PLEC: variants seen among roughly 807,000 people sequenced by gnomAD.
PLEC encodes hemidesmosomal protein 1.
A neutral mutation model predicts 392.8 loss-of-function variants in PLEC; 216 were observed. The ratio of observed to expected loss-of-function variants is 0.55; its 90% CI spans 0.49 to 0.62. The LOEUF (loss-of-function observed/expected upper bound fraction) is 0.62. Among genes scored for constraint, PLEC ranks in the 20% least tolerant of loss-of-function variants. PLEC has a pLI of 0.00. For synonymous variants in PLEC, 3,621 were observed against 2,980.6 expected (o/e 1.21, Z -7.00); for missense variants, 6,863 against 6,563.4 (o/e 1.05, Z -1.58).
At position 143,916,037 on chromosome 8, in the gene PLEC, TTAATA is replaced by T. The variant is rs1385369572; in HGVS notation, c.*135_*139del. The T allele has an allele frequency of 1.4e-5, 8 of 587,614 alleles. No homozygotes were observed. The highest frequency in any genetic ancestry group is 2.2e-5 in the South Asian group (1 of 45,602). 36.4% of individuals were successfully genotyped at this position (587,614 alleles called of 1,614,324 possible). On this transcript the variant is annotated 3_prime_UTR_variant, in exon 32 of 32. Transcript: ENST00000345136. ...AGGCTGTCTGGACAGCAGATATATATTAATATATTAGTCTGGTCTTTTTGGTTAAA... is the reference window on the plus strand; with the variant it reads ...AGGCTGTCTGGACAGCAGATATATATTATTAGTCTGGTCTTTTTGGTTAAA...
At chr8:143,944,014 G>A, upstream of PLEC, 4 of 1,461,920 alleles carry the variant, frequency 2.7e-6, no homozygotes, top group Non-Finnish European at 3.7e-6. Flanking sequence ...AGCCTGCCCT[G>A]CCCGCAGGAC....
rs1271519533 is a variant in PLEC, at chr8:143,918,902, T to C, written c.10919A>G (p.Tyr3640Cys). The part of the protein sequence containing the change: ...EIIRQQGLAS[Y>C]DYVRRRLTAE... ...CGTGAGGCGGCGGCGCACGTAGTCGTAGGAGGCCAGACCCTGCTGGCGGAT... is the reference window on the plus strand; with the variant it reads ...CGTGAGGCGGCGGCGCACGTAGTCGCAGGAGGCCAGACCCTGCTGGCGGAT... The change falls in exon 32 of 32, where the codon TAC becomes TGC. Residue 3640 changes from tyrosine (Y) to cysteine (C), a missense_variant. Physicochemically the swap from Tyr to Cys is radical, Grantham distance 194. Coordinates refer to ENST00000345136, the MANE Select transcript of PLEC (RefSeq NM_201384.3). 24 of 1,611,522 alleles carry C rather than the reference T, an allele frequency of 1.5e-5. No homozygotes were observed. The Admixed American group carries it at 2.3e-4, about 16-fold the overall frequency.
rs782001764 is a variant in PLEC, at chr8:143,927,288, G to C, written c.3804C>G (p.Cys1268Trp). The C allele has an allele frequency of 6.2e-7, 1 of 1,613,316 alleles. No homozygotes were observed. Among genetic ancestry groups the C allele is most frequent in the East Asian group, 2.2e-5 (1 of 44,876 alleles). Reference protein sequence around the residue: ...IERHGEKVEECQRFAKQYINA... With the variant: ...IERHGEKVEEWQRFAKQYINA... Reference sequence around the variant, plus strand: ...TGATGTACTGTTTCGCAAACCTCTGGCACTCCTCGACCTTCTCGCCGTGGC... The same window carrying C: ...TGATGTACTGTTTCGCAAACCTCTGCCACTCCTCGACCTTCTCGCCGTGGC... The change falls in exon 28 of 32, where the codon TGC becomes TGG. Residue 1268 changes from cysteine to tryptophan, a missense_variant. Physicochemically the swap from Cys to Trp is radical, Grantham distance 215. Transcript: ENST00000345136.
chr8:143,949,554 A>G (rs1283218574), intron 1 of PLEC, among the ~76,000 whole-genome samples: 5 of 152,110 alleles, frequency 3.3e-5, no homozygotes, highest in African/African-American at 1.2e-4. Flanking sequence ...TCTAGGCCCC[A>G]GGCTGGGCCA....
Position 143,920,669 on chromosome 8 carries a change from G to C in PLEC, c.9152C>G (p.Ser3051Cys). The C allele has an allele frequency of 6.2e-7, 1 of 1,603,594 alleles. No homozygotes were observed. Among genetic ancestry groups the C allele is most frequent in the Non-Finnish European group, 8.5e-7 (1 of 1,179,884 alleles). The change falls in exon 32 of 32, where the codon TCC becomes TGC. Residue 3051 changes from serine to cysteine, a missense_variant. Coordinates refer to ENST00000345136, the MANE Select transcript of PLEC (RefSeq NM_201384.3). ...TTCCAACAGGGCCACGGCCATGTCGGATGGCAGCAGGTCTTTCTTCAGGGC... is the reference window on the plus strand; with the variant it reads ...TTCCAACAGGGCCACGGCCATGTCGCATGGCAGCAGGTCTTTCTTCAGGGC... ...YNALKKDLLP[S>C]DMAVALLEAQ...
rs1554721575 is a variant in PLEC at position 143,934,920 on chromosome 8, G to A, written c.835C>T (p.Leu279=). The stretch of plus-strand genomic sequence containing the variant: ...AGCTCCCGGTACTCCTGCCAGCGCA[G>A]CTGCAGCTCCTGCGGGCAGGCACGG... The part of the protein sequence containing the change: ...QDGVRANELQ[L]RWQEYRELVL... The change falls in exon 9 of 32, where the codon CTG becomes TTG. Residue 279 remains leucine (L), a synonymous_variant. Coordinates refer to ENST00000345136, the MANE Select transcript of PLEC (RefSeq NM_201384.3). 1 of 1,611,306 alleles carries A rather than the reference G, an allele frequency of 6.2e-7. No individual in the cohort carries two copies. The highest frequency in any genetic ancestry group is 1.7e-5 in the Admixed American group (1 of 60,004).
rs1263024846 is a variant in PLEC at position 143,933,873 on chromosome 8, CGCCCCTGCCCCT to C, written c.1263+113_1263+124del. On this transcript the variant is annotated intron_variant, in intron 12 of 31. Coordinates refer to ENST00000345136, the MANE Select transcript of PLEC (RefSeq NM_201384.3). ...GGCCTGGATTCCCCACCACATGCCC[CGCCCCTGCCCCT>C]GCCCCTGCCCCAGGAGCCCAGGGGG... 13 of 783,642 alleles carry C rather than the reference CGCCCCTGCCCCT, an allele frequency of 1.7e-5. No individual in the cohort carries two copies. In the African/African-American group the frequency reaches 1.9e-4, roughly 11 times the overall value. The allele number at this position is 783,642 out of a possible 1,614,324, so 48.5% of individuals were successfully genotyped here.
At position 143,921,019 on chromosome 8, in the gene PLEC, C is replaced by G; in HGVS notation, c.8802G>C (p.Thr2934=). 3 of 1,613,194 alleles carry G rather than the reference C, an allele frequency of 1.9e-6. No individual in the cohort carries two copies. Among genetic ancestry groups the G allele is most frequent in the Non-Finnish European group, 2.5e-6 (3 of 1,180,028 alleles). ...GCAGCAGGTCCCGCCGCTGCTCTGC[C>G]GTGAAGTATTCCGAGTTGATGATCT... ...IWEIINSEYF[T]AEQRRDLLRQ... is the part of the protein sequence containing the mutation. The change falls in exon 32 of 32, where the codon ACG becomes ACC. Residue 2934 remains threonine (T), a synonymous_variant. Coordinates refer to ENST00000345136, the MANE Select transcript of PLEC (RefSeq NM_201384.3).
rs1258752223 is a variant in PLEC, at chr8:143,921,167, G to T, written c.8654C>A (p.Thr2885Lys). ...PETGLCLLPL[T>K]DKAAKGGELV... ...CTCCCCGCCCTTGGCAGCCTTATCC[G>T]TGAGTGGCAGAAGGCACAGGCCCGT... The change falls in exon 32 of 32, where the codon ACG (threonine) becomes AAG (lysine). Residue 2885 changes from threonine to lysine, a missense_variant. Coordinates refer to ENST00000345136, the MANE Select transcript of PLEC (RefSeq NM_201384.3). The T allele has an allele frequency of 6.2e-7, 1 of 1,613,708 alleles. No individual in the cohort carries two copies. The highest frequency in any genetic ancestry group is 8.5e-7 in the Non-Finnish European group (1 of 1,180,052).
At chr8:143,927,382 C>A (rs1320175488) in intron 27 of PLEC, 28 bp downstream of exon 27, 3 of 1,608,944 alleles carry the variant, frequency 1.9e-6, no homozygotes, top group East Asian at 2.2e-5. Context: ...CACGCCCAGC[C>A]GCCCCGTCCC....
chr8:143,927,975 A>G lies in PLEC; in HGVS notation c.3278T>C (p.Leu1093Pro). The G allele has an allele frequency of 6.3e-7, 1 of 1,599,722 alleles. No homozygotes were observed. The highest frequency in any genetic ancestry group is 2.3e-5 in the East Asian group (1 of 44,430). Residue 1093 changes from leucine to proline, a missense_variant, in exon 26 of 32, where the codon CTG becomes CCG. Leu to Pro is a moderately conservative substitution (Grantham distance 98). Coordinates refer to ENST00000345136, the MANE Select transcript of PLEC (RefSeq NM_201384.3). Reference protein sequence around the residue: ...IYLEKLKTISLVIRGTQGAEE... With the variant: ...IYLEKLKTISPVIRGTQGAEE... ...GGCCCCCTGCGTGCCGCGGATCACC[A>G]GGCTGATGGTCTTGAGCCTGGCGGG... is the stretch of plus-strand genomic sequence containing the variant.
exon 1 of PLEC, chr8:143,950,221 G>A (rs1554734931): frequency 1.9e-6 from 3 of 1,552,430 alleles, no homozygotes; most frequent in South Asian, 1.2e-5. Flanking sequence ...GCCTGGCCAG[G>A]GTCCGCTGGG....
At position 143,972,200 on chromosome 8, in the gene PLEC, C is replaced by T. The variant is rs1044015144; in HGVS notation, c.70+1203G>A. 3.3e-5 allele frequency among the ~76,000 whole-genome samples: 5 copies of T among 152,328 alleles called. No individual in the cohort carries two copies. The East Asian group carries it at 5.8e-4, about 18-fold the overall frequency. Reference sequence around the variant, plus strand: ...GGAGGGCTGGAGCCCAGGTGGGCGGCTGCTTCCCTGCCCTATACCCCAGCA... The same window carrying T: ...GGAGGGCTGGAGCCCAGGTGGGCGGTTGCTTCCCTGCCCTATACCCCAGCA... On this transcript the variant is annotated intron_variant, in intron 1 of 31. Coordinates refer to the PLEC transcript ENST00000356346.
At position 143,925,692 on chromosome 8, in the gene PLEC, G is replaced by C. The variant is rs1554703663; in HGVS notation, c.4237C>G (p.Gln1413Glu). ...TCCTCCTGAATGCTGCGCTTCTGCT[G>C]CTGCGCGTCCACCGCCGCCTCCTCC... ...RREEAAVDAQ[Q>E]QKRSIQEELQ... The change falls in exon 31 of 32, where the codon CAG becomes GAG. Residue 1413 changes from glutamine to glutamate, a missense_variant. Gln to Glu is a conservative substitution (Grantham distance 29). Transcript: ENST00000345136. 6.3e-7 allele frequency: 1 copy of C among 1,592,082 alleles called. No individual in the cohort carries two copies. Among genetic ancestry groups the C allele is most frequent in the African/African-American group, 1.3e-5 (1 of 74,732 alleles).
upstream of PLEC, chr8:143,973,541 C>A (rs1833545127): frequency 8.7e-7 from 1 of 1,148,300 alleles, no homozygotes; most frequent in Non-Finnish European, 1.1e-6. This position sits in a 1 kb window ranked among gnomAD's most constrained non-coding sequence, Gnocchi z 5.6. Context: ...TCCCCGCGGC[C>A]GCGCGCGCCG....
Position 143,925,342 on chromosome 8 carries a change from G to A in PLEC, c.4587C>T (p.Arg1529=), listed in dbSNP as rs369723574. The A allele has an allele frequency of 2.9e-4, 455 of 1,552,632 alleles. 1 individual carries two copies. Among genetic ancestry groups the A allele is most frequent in the East Asian group, 4.1e-4 (17 of 41,710 alleles). The part of the protein sequence containing the change: ...SRVKAEAEAA[R]EKQRALQALE... ...GGGCCTGCAGGGCCCGCTGCTTCTC[G>A]CGCGCCGCCTCGGCCTCGGCCTTCA... The change falls in exon 31 of 32, where the codon CGC becomes CGT. Residue 1529 remains arginine, a synonymous_variant. Coordinates refer to ENST00000345136, the MANE Select transcript of PLEC (RefSeq NM_201384.3).
chr8:143,925,582 GCGCAGCC>G lies in PLEC; in HGVS notation c.4340_4346del (p.Arg1447ProfsTer73). On this transcript the variant is annotated frameshift_variant, in exon 31 of 32. Transcript: ENST00000345136. LOFTEE classifies it high-confidence loss of function. ...GCACCACGCGGATCTCCTCCTCGAT[GCGCAGCC>G]GGCTGCGCTCAGCCGCCTCTGCCTG... 6.3e-7 allele frequency: 1 copy of G among 1,577,042 alleles called. No homozygotes were observed. The highest frequency in any genetic ancestry group is 8.6e-7 in the Non-Finnish European group (1 of 1,169,414).
In PLEC at chr8:143,973,434, C is replaced by A; in HGVS notation, c.39G>T (p.Gln13His). ...ACTTCTCGCGCACCTCCTCGTAGGC[C>A]TGGATGAAGTCCTGCTCGTCGGGCA... The change falls in exon 1 of 32, where the codon CAG becomes CAT. Residue 13 changes from glutamine (Q) to histidine (H), a missense_variant. Transcript: ENST00000356346. The surrounding 1 kb of genome is among the most constrained non-coding windows in gnomAD (Gnocchi z 5.6). 3 of 1,542,956 alleles carry A rather than the reference C, an allele frequency of 1.9e-6. No homozygotes were observed. Among genetic ancestry groups the A allele is most frequent in the Non-Finnish European group, 2.6e-6 (3 of 1,144,708 alleles).
chr8:143,971,647 A>G (rs1021980462), intron 1 of PLEC, among the ~76,000 whole-genome samples: 1 of 152,172 alleles, frequency 6.6e-6, no homozygotes, highest in Admixed American at 6.5e-5. Context: ...GTCTCAAGCC[A>G]GGAGCTAAGG....
Sources: gnomAD v4.1 joint callset for allele counts (sites outside exome capture counted in the v4.1 genomes callset) on GRCh38, gnomAD v4.1.1 for gene constraint, Gnocchi (gnomAD v3.1) non-coding constraint, MANE v1.5 for transcripts, NCBI Gene and HGNC (gene_info 2026-07-23, HGNC 2026-07-21) for gene names.